Variants in ERC2 observed in about 807,000 individuals in gnomAD.
ERC2 encodes ERC protein 2.
Under a neutral mutation model 114.8 loss-of-function variants are expected in ERC2, and 42 were observed. The ratio of observed to expected loss-of-function variants is 0.37; its 90% confidence interval spans 0.29 to 0.47. The LOEUF (loss-of-function observed/expected upper bound fraction) is 0.47, where lower values mean the gene tolerates loss of function less well. ERC2 is among the 20% of genes least tolerant of loss of function. The pLI is 0.99. For missense variants in ERC2, 939 were observed against 1,150.7 expected, an observed-to-expected ratio of 0.82 and a Z score of 2.66; for synonymous variants, 454 against 425.5, an observed-to-expected ratio of 1.07 and a Z score of -0.82.
At chr3:56,113,680 A>G (rs1413125643) in intron 6 of ERC2, among the ~76,000 whole-genome samples, 1 of 152,138 alleles carries the variant, frequency 6.6e-6, no homozygotes, top group African/African-American at 2.4e-5. Flanking sequence ...GACACTATCT[A>G]CTCAGAATTA....
At chr3:55,633,762 T>C (rs1026537775) in intron 17 of ERC2, among the ~76,000 whole-genome samples, 1 of 152,222 alleles carries the variant, frequency 6.6e-6, no homozygotes, top group Non-Finnish European at 1.5e-5. Context: ...AGAGTGAATA[T>C]ATTTCTCCTT....
At chr3:55,920,049 G>A (rs2065326504) in intron 13 of ERC2, among the ~76,000 whole-genome samples, 1 of 152,026 alleles carries the variant, frequency 6.6e-6, no homozygotes, top group Non-Finnish European at 1.5e-5. Flanking sequence ...AGTCTACATT[G>A]GTTAGGAATA....
chr3:55,645,139 A>C (rs2060340604), intron 17 of ERC2, among the ~76,000 whole-genome samples: 1 of 152,126 alleles, frequency 6.6e-6, no homozygotes, highest in Non-Finnish European at 1.5e-5. Flanking sequence ...ATGAGACCAA[A>C]ATTTTTGGAA....
intron 2 of ERC2, among the ~76,000 whole-genome samples, chr3:56,375,839 T>A (rs750523548): frequency 6.6e-6 from 1 of 152,292 alleles, no homozygotes; most frequent in African/African-American, 2.4e-5. Context: ...CCAGCTTACA[T>A]CCTCTCTTTC....
intron 17 of ERC2, among the ~76,000 whole-genome samples, chr3:55,640,630 A>G (rs773823164): frequency 1.3e-5 from 2 of 152,194 alleles, no homozygotes; most frequent in Non-Finnish European, 2.9e-5. Flanking sequence ...TGGTAAGGGC[A>G]TGAGGAAGGT....
rs1404693067 is a variant in ERC2 at position 56,370,587 on chromosome 3, G to GTTTTT, written c.657+63759_657+63763dup. Among the ~76,000 whole-genome samples, 8 of 138,448 alleles carry GTTTTT rather than the reference G, an allele frequency of 5.8e-5. 1 individual carries two copies. Among genetic ancestry groups the GTTTTT allele is most frequent in the African/African-American group, 1.6e-4 (6 of 36,622 alleles). The allele number at this position is 138,448 out of a possible 152,430, so 90.8% of individuals were successfully genotyped here. On this transcript the variant is annotated intron_variant, in intron 2 of 17. Coordinates refer to ENST00000288221, the MANE Select transcript of ERC2 (RefSeq NM_015576.3). ...GTTTGTTTTTTGGGTTTTGGTGGGG[G>GTTTTT]TTTTTTTGTTTTTTTTTTTTTTTTT...
intron 17 of ERC2, among the ~76,000 whole-genome samples, chr3:55,664,583 G>A (rs1237392571): frequency 1.3e-5 from 2 of 152,128 alleles, no homozygotes; most frequent in Non-Finnish European, 2.9e-5. Context: ...TTACCATCTC[G>A]CCTTTGATCA....
chr3:56,004,308 C>T (rs548126953), intron 10 of ERC2, among the ~76,000 whole-genome samples: 10 of 152,120 alleles, frequency 6.6e-5, no homozygotes, highest in African/African-American at 1.9e-4. Flanking sequence ...GATGAATGCG[C>T]TTAATTACAA....
intron 14 of ERC2, among the ~76,000 whole-genome samples, chr3:55,880,851 A>G (rs1341992959): frequency 6.6e-6 from 1 of 152,160 alleles, no homozygotes; most frequent in Non-Finnish European, 1.5e-5. Context: ...TAAATTAAAG[A>G]CAGGATTAGT....
At chr3:56,439,255 G>A (rs2062175234) in intron 1 of ERC2, among the ~76,000 whole-genome samples, 1 of 152,090 alleles carries the variant, frequency 6.6e-6, no homozygotes, top group South Asian at 2.1e-4. Context: ...GACCAGTCTG[G>A]GCAATATAGC....
intron 5 of ERC2, among the ~76,000 whole-genome samples, chr3:56,145,557 G>A (rs2081092276): frequency 6.6e-6 from 1 of 152,126 alleles, no homozygotes; most frequent in South Asian, 2.1e-4. Context: ...GGTAGGAATT[G>A]GAGTTTCCAA....
At chr3:55,549,984 A>G (rs1296071616) in intron 17 of ERC2, among the ~76,000 whole-genome samples, 2 of 146,092 alleles carry the variant, frequency 1.4e-5, no homozygotes, top group Non-Finnish European at 3.0e-5. Context: ...GAGGGGAAAT[A>G]CTATGTTAAT....
At chr3:56,069,278 C>T (rs569765919) in intron 7 of ERC2, among the ~76,000 whole-genome samples, 1 of 152,298 alleles carries the variant, frequency 6.6e-6, no homozygotes, top group South Asian at 2.1e-4. Flanking sequence ...ATCCTGTGAA[C>T]TCTACTACTG....
chr3:56,086,189 GATCT>G (rs1215019289), intron 6 of ERC2, among the ~76,000 whole-genome samples: 1 of 152,088 alleles, frequency 6.6e-6, no homozygotes, highest in Non-Finnish European at 1.5e-5. Context: ...CGCCATGTGT[GATCT>G]ATCAGTGCCC....
At chr3:56,248,693 A>C (rs2051896645) in intron 3 of ERC2, among the ~76,000 whole-genome samples, 1 of 152,220 alleles carries the variant, frequency 6.6e-6, no homozygotes, top group African/African-American at 2.4e-5. Flanking sequence ...CTGTAAACAC[A>C]ATAAAGTACA....
At chr3:56,257,104 T>C (rs998715320) in intron 3 of ERC2, among the ~76,000 whole-genome samples, 75 of 152,280 alleles carry the variant, frequency 4.9e-4, no homozygotes, top group Non-Finnish European at 9.6e-4. Context: ...AATGAGATAA[T>C]GTATGTAAAA....
intron 8 of ERC2, among the ~76,000 whole-genome samples, chr3:56,015,388 T>G (rs970820381): frequency 1.7e-5 from 2 of 120,142 alleles, no homozygotes; most frequent in Non-Finnish European, 3.3e-5. Flanking sequence ...CAGGCCCCAG[T>G]GTGTGTTGTT....
intron 2 of ERC2, among the ~76,000 whole-genome samples, chr3:56,398,490 C>G (rs75528361): frequency 0.022 from 3,374 of 152,070 alleles, 121 homozygotes; most frequent in African/African-American, 0.078. Context: ...CATACTTATA[C>G]TAGAAAAGTA....
chr3:56,107,935 A>T (rs1341417658), intron 6 of ERC2, among the ~76,000 whole-genome samples: 1 of 152,242 alleles, frequency 6.6e-6, no homozygotes, highest in African/African-American at 2.4e-5. Context: ...AAATCTTACT[A>T]TCCTGTAAAT....
Sources: allele counts gnomAD v4.1 joint callset (sites outside exome capture counted in the v4.1 genomes callset), GRCh38; gene constraint gnomAD v4.1.1; transcripts MANE v1.5; gene names NCBI Gene and HGNC (gene_info 2026-07-23, HGNC 2026-07-21).